ESPNL: variants seen among roughly 807,000 people sequenced by gnomAD.
ESPNL encodes espin like.
In ESPNL, 49 loss-of-function variants were observed where a neutral mutation model predicts 46.8. The ratio of observed to expected loss-of-function variants is 1.05; its 90% CI spans 0.83 to 1.33. The LOEUF (loss-of-function observed/expected upper bound fraction) is 1.33, where lower values mean the gene tolerates loss of function less well. ESPNL is among the 40% of genes most tolerant of loss of function. The pLI is 0.00. For missense variants in ESPNL, 1,540 were observed against 1,436.6 expected, an observed-to-expected ratio of 1.07 and a Z score of -1.16; for synonymous variants, 664 against 662.1, an observed-to-expected ratio of 1.00 and a Z score of -0.04.
chr2:238,131,152 C>G lies in ESPNL; in HGVS notation c.2438C>G (p.Ala813Gly), dbSNP rs1692320166. Residue 813 changes from alanine (A) to glycine (G), a missense_variant, in exon 9 of 9, where the codon GCC (alanine) becomes GGC (glycine). Coordinates refer to ENST00000343063, the MANE Select transcript of ESPNL (RefSeq NM_194312.4). ...ACCCACCTGCTGGGCAACTGGAAGG[C>G]CATCATGGCTCACGTGCCCGCCCGG... ...TITHLLGNWK[A>G]IMAHVPARQL... 1 of 1,546,326 alleles carries G rather than the reference C, an allele frequency of 6.5e-7. No individual in the cohort carries two copies. The highest frequency in any genetic ancestry group is 8.7e-7 in the Non-Finnish European group (1 of 1,147,098).
Position 238,131,940 on chromosome 2 carries a change from G to A in ESPNL, c.*208G>A. Reference sequence around the variant, plus strand: ...GACTCCTTCTCACCACTGCACCCAGGAAGCCCCTTGGCAGGTCCTGAAGTG... The same window carrying A: ...GACTCCTTCTCACCACTGCACCCAGAAAGCCCCTTGGCAGGTCCTGAAGTG... On this transcript the variant is annotated 3_prime_UTR_variant, in exon 9 of 9. Transcript: ENST00000343063. 1.7e-6 allele frequency: 1 copy of A among 591,052 alleles called. No homozygotes were observed. Among genetic ancestry groups the A allele is most frequent in the Non-Finnish European group, 2.9e-6 (1 of 348,248 alleles). 36.6% of individuals were successfully genotyped at this position (591,052 alleles called of 1,614,324 possible).
intron 4 of ESPNL, among the ~76,000 whole-genome samples, chr2:238,112,982 C>G (rs988246096): frequency 2.0e-5 from 3 of 152,208 alleles, no homozygotes; most frequent in Non-Finnish European, 2.9e-5. Context: ...TCCATTATGT[C>G]ATTGTGTTCT....
At chr2:238,103,601 G>A (rs923210101) in intron 2 of ESPNL, among the ~76,000 whole-genome samples, 9 of 152,152 alleles carry the variant, frequency 5.9e-5, no homozygotes, top group African/African-American at 2.2e-4. Flanking sequence ...AGTTGCCCCC[G>A]ACCCACTGGC....
chr2:238,108,018 A>C, intron 4 of ESPNL, 45 bp downstream of exon 4: 1 of 1,552,070 alleles, frequency 6.4e-7, no homozygotes, highest in Non-Finnish European at 8.8e-7. Context: ...CACAAGTGCC[A>C]GCCATGCCCA....
intron 4 of ESPNL, 88 bp downstream of exon 4, chr2:238,108,061 T>TAA: frequency 8.0e-7 from 1 of 1,252,514 alleles, no homozygotes; most frequent in Non-Finnish European, 1.1e-6. Context: ...AGCAACCCTG[T>TAA]AAGAGTGATG....
At chr2:238,119,880 C>A (rs1691948657) in intron 5 of ESPNL, among the ~76,000 whole-genome samples, 1 of 152,260 alleles carries the variant, frequency 6.6e-6, no homozygotes, top group African/African-American at 2.4e-5. Context: ...CAGTCCCCCC[C>A]ACCCCAGCCC....
At chr2:238,111,649 A>T (rs1691720463) in intron 4 of ESPNL, among the ~76,000 whole-genome samples, 1 of 152,214 alleles carries the variant, frequency 6.6e-6, no homozygotes, top group African/African-American at 2.4e-5. Flanking sequence ...ATTCCATTGT[A>T]TGTATATACC....
At chr2:238,110,851 A>G (rs1041630440) in intron 4 of ESPNL, among the ~76,000 whole-genome samples, 1 of 152,256 alleles carries the variant, frequency 6.6e-6, no homozygotes, top group Admixed American at 6.5e-5. Context: ...TTTAAAAATA[A>G]AATGTCAAAA....
chr2:238,122,076 G>T (rs550104568), intron 5 of ESPNL, among the ~76,000 whole-genome samples: 12 of 152,382 alleles, frequency 7.9e-5, no homozygotes, highest in African/African-American at 2.6e-4. Context: ...AAAAACCAGG[G>T]ACAGCGACAG....
chr2:238,129,282 G>A, intron 8 of ESPNL: 2 of 1,106,746 alleles, frequency 1.8e-6, no homozygotes, highest in Non-Finnish European at 2.2e-6. Context: ...AGAAAGCAAA[G>A]CAGTTGGGGG....
chr2:238,109,881 T>G (rs111806899), intron 4 of ESPNL, among the ~76,000 whole-genome samples: 16 of 148,924 alleles, frequency 1.1e-4, no homozygotes, highest in African/African-American at 3.0e-4. Context: ...CGTTACCGAG[T>G]GTCCCTTTTC....
At chr2:238,108,011 A>T in intron 4 of ESPNL, 38 bp downstream of exon 4, 1 of 1,574,720 alleles carries the variant, frequency 6.4e-7, no homozygotes, top group African/African-American at 1.3e-5. Flanking sequence ...GAGCAGTCAC[A>T]AGTGCCAGCC....
At chr2:238,103,654 G>C (rs1161756659) in intron 2 of ESPNL, among the ~76,000 whole-genome samples, 1 of 152,178 alleles carries the variant, frequency 6.6e-6, no homozygotes, top group East Asian at 1.9e-4. Context: ...GACACCACCT[G>C]TTCCAACCCT....
chr2:238,106,349 G>A (rs948079435), intron 3 of ESPNL, among the ~76,000 whole-genome samples: 10 of 152,246 alleles, frequency 6.6e-5, no homozygotes, highest in African/African-American at 1.2e-4. Context: ...GTCCCCGGGC[G>A]CTCGGGATGG....
In ESPNL at chr2:238,131,855, G is replaced by T. The variant is rs1692349987; in HGVS notation, c.*123G>T. Reference sequence around the variant, plus strand: ...GGCAAGGCTGCCTCCAGTCCTACCAGTTATCGGAGGCTGCGGGACTGTTCT... The same window carrying T: ...GGCAAGGCTGCCTCCAGTCCTACCATTTATCGGAGGCTGCGGGACTGTTCT... On this transcript the variant is annotated 3_prime_UTR_variant, in exon 9 of 9. Transcript: ENST00000343063. The T allele has an allele frequency of 1.9e-6, 2 of 1,064,820 alleles. No individual in the cohort carries two copies. The highest frequency in any genetic ancestry group is 2.7e-6 in the Non-Finnish European group (2 of 727,786). 66.0% of individuals were successfully genotyped at this position (1,064,820 alleles called of 1,614,324 possible).
chr2:238,111,003 A>T (rs1259081324), intron 4 of ESPNL, among the ~76,000 whole-genome samples: 1 of 122,360 alleles, frequency 8.2e-6, no homozygotes, highest in Non-Finnish European at 1.6e-5. Flanking sequence ...CCCAGGCTGG[A>T]GTGCAGAGGC....
intron 6 of ESPNL, among the ~76,000 whole-genome samples, chr2:238,125,616 G>T (rs1048404476): frequency 5.3e-5 from 8 of 152,258 alleles, no homozygotes; most frequent in Non-Finnish European, 1.2e-4. Flanking sequence ...TTATCCAGGG[G>T]TAAAAGCGGG....
Position 238,129,280 on chromosome 2 carries a change from A to G in ESPNL, c.1413+376A>G, listed in dbSNP as rs1692222775. 7 of 1,110,090 alleles carry G rather than the reference A, an allele frequency of 6.3e-6. No homozygotes were observed. The South Asian group carries it at 2.2e-4, about 35-fold the overall frequency. 68.8% of individuals were successfully genotyped at this position (1,110,090 alleles called of 1,614,324 possible). A position where few individuals can be genotyped will look rare whatever the true frequency, so the allele number is the denominator to read the frequency against. ...GATTCCCACTGCTGTGGAGAAAGCAAAGCAGTTGGGGGACTATGATATATG... is the reference window on the plus strand; with the variant it reads ...GATTCCCACTGCTGTGGAGAAAGCAGAGCAGTTGGGGGACTATGATATATG... On this transcript the variant is annotated intron_variant, in intron 8 of 8. Coordinates refer to ENST00000343063, the MANE Select transcript of ESPNL (RefSeq NM_194312.4).
At chr2:238,105,794 A>G (rs900343779) in intron 3 of ESPNL, among the ~76,000 whole-genome samples, 1 of 152,118 alleles carries the variant, frequency 6.6e-6, no homozygotes, top group East Asian at 1.9e-4. Flanking sequence ...TGACTGGCAT[A>G]TTGGAAGGTC....
Sources: gnomAD v4.1 joint callset for allele counts (sites outside exome capture counted in the v4.1 genomes callset) on GRCh38, gnomAD v4.1.1 for gene constraint, MANE v1.5 for transcripts, NCBI Gene and HGNC (gene_info 2026-07-23, HGNC 2026-07-21) for gene names.